The following DLGAP1 variants were observed in gnomAD, a reference collection of about 807,000 sequenced individuals.
DLGAP1 encodes DLG associated protein 1.
Under a neutral mutation model 90.8 loss-of-function variants are expected in DLGAP1, and 11 were observed. The observed-to-expected ratio is 0.12, with a 90% confidence interval of 0.08 to 0.20. The LOEUF is 0.20. Ranked by LOEUF, DLGAP1 falls within the 10% of genes least tolerant of loss-of-function variation. The pLI is 1.00. For missense variants in DLGAP1, 1,050 were observed against 1,333.8 expected, an observed-to-expected ratio of 0.79 and a Z score of 3.31; for synonymous variants, 558 against 540.7, an observed-to-expected ratio of 1.03 and a Z score of -0.44.
At chr18:4,101,334 G>A (rs576000541) in intron 2 of DLGAP1, among the ~76,000 whole-genome samples, 5 of 152,228 alleles carry the variant, frequency 3.3e-5, no homozygotes, top group African/African-American at 9.6e-5. Context: ...GGAGGAGTCC[G>A]AACACACACA....
At chr18:3,802,919 T>C (rs2066378922) in intron 5 of DLGAP1, among the ~76,000 whole-genome samples, 1 of 152,200 alleles carries the variant, frequency 6.6e-6, no homozygotes. Flanking sequence ...TATAAAAGGG[T>C]TGGAATCATC....
At chr18:3,552,888 C>T (rs2053554053) in intron 9 of DLGAP1, among the ~76,000 whole-genome samples, 1 of 152,058 alleles carries the variant, frequency 6.6e-6, no homozygotes. Flanking sequence ...GCACTACTGG[C>T]TTTCGATTCA....
rs370823402 is a variant in DLGAP1, at chr18:3,926,098, C to T, written c.-72-45958G>A. On this transcript the variant is annotated intron_variant, in intron 3 of 12. Coordinates refer to ENST00000315677, the MANE Select transcript of DLGAP1 (RefSeq NM_004746.4). ...TAAAGGAGGCTATGTTTCTCATTGCCAGAGAAGGACATGCTGGAGTGAACA... is the reference window on the plus strand; with the variant it reads ...TAAAGGAGGCTATGTTTCTCATTGCTAGAGAAGGACATGCTGGAGTGAACA... Among the ~76,000 whole-genome samples, 54 of 152,248 alleles carry T rather than the reference C, an allele frequency of 3.5e-4. 1 individual carries two copies. The South Asian group carries it at 9.3e-3, about 26-fold the overall frequency.
At chr18:3,520,414 C>T (rs1042359996) in intron 10 of DLGAP1, among the ~76,000 whole-genome samples, 3 of 152,186 alleles carry the variant, frequency 2.0e-5, no homozygotes, top group African/African-American at 4.8e-5. Flanking sequence ...CCCTGTTATT[C>T]GCTGAATTGC....
rs1555627078 is a variant in DLGAP1, at chr18:3,682,135, A to AAAT, written c.1591+46999_1591+47000insATT. Among the ~76,000 whole-genome samples the AAAT allele has an allele frequency of 5.2e-3, 767 of 147,736 alleles. 7 individuals carry two copies. The highest frequency in any genetic ancestry group is 0.028 in the Middle Eastern group (8 of 286). ...CTGTCTCAAAAAAAAAAAAAATAAA[A>AAAT]AAAAATAAAAATAACGAACGAACTA... On this transcript the variant is annotated intron_variant, in intron 7 of 12. Coordinates refer to ENST00000315677, the MANE Select transcript of DLGAP1 (RefSeq NM_004746.4).
chr18:4,240,982 T>C (rs1332681572), intron 1 of DLGAP1, among the ~76,000 whole-genome samples: 1 of 152,240 alleles, frequency 6.6e-6, no homozygotes, highest in East Asian at 1.9e-4. Context: ...TCACTGTTAC[T>C]TTACTCCCCA....
rs112805068 is a variant in DLGAP1 at position 3,538,375 on chromosome 18, C to CAAAAA, written c.2058-3765_2058-3761dup. 6.2e-3 allele frequency among the ~76,000 whole-genome samples: 642 copies of CAAAAA among 102,806 alleles called. 2 individuals carry two copies. The highest frequency in any genetic ancestry group is 0.021 in the Middle Eastern group (4 of 188). The allele number at this position is 102,806 out of a possible 152,430, so 67.4% of individuals were successfully genotyped here. A position where few individuals can be genotyped will look rare whatever the true frequency, so the allele number is the denominator to read the frequency against. ...GTAAGCTCTTAACTCTCAAATGAGC[C>CAAAAA]AAAAAAAAAAAAGAAAGAAAAAGAA... On this transcript the variant is annotated intron_variant, in intron 9 of 12. Coordinates refer to ENST00000315677, the MANE Select transcript of DLGAP1 (RefSeq NM_004746.4).
chr18:3,568,815 T>C (rs914582163), intron 8 of DLGAP1, among the ~76,000 whole-genome samples: 2 of 151,830 alleles, frequency 1.3e-5, no homozygotes, highest in African/African-American at 2.4e-5. Flanking sequence ...GCTTCCCAAG[T>C]GTCTGGGACT....
intron 2 of DLGAP1, among the ~76,000 whole-genome samples, chr18:4,132,826 G>A (rs2076337310): frequency 6.6e-6 from 1 of 152,092 alleles, no homozygotes; most frequent in African/African-American, 2.4e-5. Context: ...TATTACGAAA[G>A]CTTCAAAAGC....
Position 4,236,570 on chromosome 18 carries a change from A to G in DLGAP1, c.-266-85283T>C, listed in dbSNP as rs368216398. Among the ~76,000 whole-genome samples the G allele has an allele frequency of 1.6e-4, 25 of 152,322 alleles. 3 individuals are homozygous for G. Among genetic ancestry groups the G allele is most frequent in the South Asian group, 1.2e-3 (6 of 4,824 alleles). ...GTCAAAAGTGACACCCTAATTTACAAGCTGCACTTTATAGCTTAGACTCTT... is the reference window on the plus strand; with the variant it reads ...GTCAAAAGTGACACCCTAATTTACAGGCTGCACTTTATAGCTTAGACTCTT... On this transcript the variant is annotated intron_variant, in intron 1 of 12. Coordinates refer to ENST00000315677, the MANE Select transcript of DLGAP1 (RefSeq NM_004746.4).
chr18:3,625,799 C>T (rs2058272758), intron 7 of DLGAP1, among the ~76,000 whole-genome samples: 1 of 152,194 alleles, frequency 6.6e-6, no homozygotes, highest in African/African-American at 2.4e-5. Context: ...TGTTCTCAAC[C>T]TGAGTTCTTA....
At chr18:4,007,842 T>C (rs2074335327) in intron 2 of DLGAP1, among the ~76,000 whole-genome samples, 1 of 152,174 alleles carries the variant, frequency 6.6e-6, no homozygotes, top group Non-Finnish European at 1.5e-5. Flanking sequence ...TAGTCAGCAT[T>C]CACTCAGGAA....
chr18:4,382,369 A>G (rs2082143088), intron 1 of DLGAP1, among the ~76,000 whole-genome samples: 1 of 152,176 alleles, frequency 6.6e-6, no homozygotes, highest in African/African-American at 2.4e-5. Flanking sequence ...GATATTTTAA[A>G]ATTATGCATT....
Position 4,151,295 on chromosome 18 carries a change from A to G in DLGAP1, c.-266-8T>C, listed in dbSNP as rs529432937. 2.6e-5 allele frequency: 4 copies of G among 152,190 alleles called. No individual in the cohort carries two copies. The highest frequency in any genetic ancestry group is 4.4e-5 in the Non-Finnish European group (3 of 68,044). The allele number at this position is 152,190 out of a possible 1,614,324, so 9.4% of individuals were successfully genotyped here. A position where few individuals can be genotyped will look rare whatever the true frequency, so the allele number is the denominator to read the frequency against. On this transcript the variant is annotated splice_region_variant and splice_polypyrimidine_tract_variant and intron_variant, in intron 1 of 12. Coordinates refer to ENST00000315677, the MANE Select transcript of DLGAP1 (RefSeq NM_004746.4). ...ATCTGATGTTCAACTGCTCTGAAAC[A>G]TAACAATGCAATAATTAGATGTAAT... is the stretch of plus-strand genomic sequence containing the variant.
chr18:4,390,367 C>A (rs986498937), intron 1 of DLGAP1, among the ~76,000 whole-genome samples: 9 of 151,898 alleles, frequency 5.9e-5, no homozygotes, highest in African/African-American at 2.2e-4. Flanking sequence ...ATTGACACAT[C>A]ATTATCACCC....
At chr18:4,114,617 G>T (rs1466895291) in intron 2 of DLGAP1, among the ~76,000 whole-genome samples, 2 of 151,862 alleles carry the variant, frequency 1.3e-5, no homozygotes, top group Non-Finnish European at 2.9e-5. Flanking sequence ...TTTCGTGTCT[G>T]GTTGCTCTGG....
chr18:3,724,332 C>T lies in DLGAP1; in HGVS notation c.1591+4803G>A, dbSNP rs572844102. Reference sequence around the variant, plus strand: ...CTGGGCAACAGAGCAAAATATAGCACACAGGCCAAACTTTAAGAGTAACAG... The same window carrying T: ...CTGGGCAACAGAGCAAAATATAGCATACAGGCCAAACTTTAAGAGTAACAG... On this transcript the variant is annotated intron_variant, in intron 7 of 12. Coordinates refer to ENST00000315677, the MANE Select transcript of DLGAP1 (RefSeq NM_004746.4). 9.2e-5 allele frequency among the ~76,000 whole-genome samples: 14 copies of T among 152,110 alleles called. No homozygotes were observed. In the South Asian group the frequency reaches 2.9e-3, roughly 32 times the overall value.
chr18:4,152,196 A>AT (rs1270792657), intron 1 of DLGAP1, among the ~76,000 whole-genome samples: 2 of 152,164 alleles, frequency 1.3e-5, no homozygotes, highest in Admixed American at 6.5e-5. Flanking sequence ...GTCTGTTTCT[A>AT]TTTTTTTGTA....
Position 4,067,219 on chromosome 18 carries a change from A to G in DLGAP1, c.-158-62018T>C, listed in dbSNP as rs942838575. 3.9e-5 allele frequency among the ~76,000 whole-genome samples: 6 copies of G among 152,050 alleles called. 2 individuals carry two copies. The East Asian group carries it at 1.2e-3, about 29-fold the overall frequency. ...AGGAAGAGGATCAAGAAAAACAACT[A>G]ATGTGTACGGGGCTTAATACCTGAG... On this transcript the variant is annotated intron_variant, in intron 2 of 12. Coordinates refer to ENST00000315677, the MANE Select transcript of DLGAP1 (RefSeq NM_004746.4).
Sources: allele counts gnomAD v4.1 joint callset (sites outside exome capture counted in the v4.1 genomes callset), GRCh38; gene constraint gnomAD v4.1.1; transcripts MANE v1.5; gene names NCBI Gene and HGNC (gene_info 2026-07-23, HGNC 2026-07-21).